The following SLC5A10 variants were observed in gnomAD, a reference collection of about 807,000 sequenced individuals.
SLC5A10 encodes the protein sodium/mannose cotransporter SLC5A10.
A neutral mutation model predicts 68.9 loss-of-function variants in SLC5A10; 55 were observed. The observed-to-expected ratio is 0.80, with a 90% CI of 0.64 to 1.00. The LOEUF is 1.00. Ranked by LOEUF, SLC5A10 falls within the 50% of genes least tolerant of loss-of-function variation. The pLI is 0.00. For missense variants in SLC5A10, 732 were observed against 819.3 expected, an observed-to-expected ratio of 0.89 and a Z score of 1.30; for synonymous variants, 344 against 344.8, an observed-to-expected ratio of 1.00 and a Z score of 0.02.
chr17:18,982,844 C>T (rs529629905), intron 9 of SLC5A10, among the ~76,000 whole-genome samples: 340 of 152,370 alleles, frequency 2.2e-3, no homozygotes, highest in Middle Eastern at 6.8e-3. Context: ...AATCCTAGCA[C>T]CAAATGGACG....
chr17:18,969,595 C>T, intron 7 of SLC5A10, 173 bp downstream of exon 7: 1 of 596,902 alleles, frequency 1.7e-6, no homozygotes, highest in Non-Finnish European at 2.9e-6. Flanking sequence ...CTGCTGGCCC[C>T]TCAGGGACTG....
chr17:18,969,184 A>G, intron 6 of SLC5A10, 27 bp downstream of exon 6: 2 of 1,609,412 alleles, frequency 1.2e-6, no homozygotes, highest in African/African-American at 1.3e-5. Flanking sequence ...AGGGAGGTCC[A>G]CCCAGGGGAC....
At position 18,993,535 on chromosome 17, in the gene SLC5A10, G is replaced by A. The variant is rs549590628; in HGVS notation, c.982+16546G>A. 2.1e-4 allele frequency among the ~76,000 whole-genome samples: 32 copies of A among 152,212 alleles called. No individual in the cohort carries two copies. In the East Asian group the frequency reaches 4.6e-3, roughly 22 times the overall value. Reference sequence around the variant, plus strand: ...GGCGGCTCAGAGAGAGGAGAGAGGCGGCCATATTCTCTCTCCTCACTATGC... The same window carrying A: ...GGCGGCTCAGAGAGAGGAGAGAGGCAGCCATATTCTCTCTCCTCACTATGC... On this transcript the variant is annotated intron_variant, in intron 9 of 14. Transcript: ENST00000395645.
At chr17:18,994,551 GA>G (rs2043515402) in intron 9 of SLC5A10, among the ~76,000 whole-genome samples, 2 of 152,174 alleles carry the variant, frequency 1.3e-5, no homozygotes, top group Non-Finnish European at 2.9e-5. Context: ...GGAACCACTG[GA>G]AAGGGGAGGC....
intron 4 of SLC5A10, 51 bp downstream of exon 4, chr17:18,959,714 T>C: frequency 1.9e-6 from 3 of 1,578,256 alleles, no homozygotes; most frequent in South Asian, 1.1e-5. Flanking sequence ...TTGGTCCAAG[T>C]TGGTGGTAGT....
rs2043976268 is a variant in SLC5A10, at chr17:19,009,785, TC to T, written c.983-3624del. 2.0e-5 allele frequency among the ~76,000 whole-genome samples: 3 copies of T among 152,110 alleles called. No homozygotes were observed. The South Asian group carries it at 6.2e-4, about 32-fold the overall frequency. The stretch of plus-strand genomic sequence containing the variant: ...TTTCCCTGAGGCCCCATAGTCATAG[TC>T]TGGGTGGGAGACAGGACAGTCAGAG... On this transcript the variant is annotated intron_variant, in intron 9 of 14. Coordinates refer to ENST00000395645, the MANE Select transcript of SLC5A10 (RefSeq NM_001042450.4).
rs183654341 is a variant in SLC5A10, at chr17:19,017,497, G to A, written c.1242-1926G>A. The A allele has an allele frequency of 2.6e-4, 285 of 1,085,166 alleles. No individual in the cohort carries two copies. The African/African-American group carries it at 3.9e-3, about 15-fold the overall frequency. The allele number at this position is 1,085,166 out of a possible 1,614,324, so 67.2% of individuals were successfully genotyped here. A position where few individuals can be genotyped will look rare whatever the true frequency, so the allele number is the denominator to read the frequency against. On this transcript the variant is annotated intron_variant, in intron 11 of 14. Transcript: ENST00000395645. This position sits in a 1 kb window ranked among gnomAD's most constrained non-coding sequence, Gnocchi z 5.6. ...CTGGAGAGGAGGCCATCGCAGGGCC[G>A]GGTGCAGTACCATGCCGGTGACCCT...
At chr17:19,019,951 C>T in intron 13 of SLC5A10, 23 bp downstream of exon 13, 1 of 1,573,888 alleles carries the variant, frequency 6.4e-7, no homozygotes, top group Non-Finnish European at 8.6e-7. Context: ...TGACCCCTGA[C>T]CCTGACCCCT....
At chr17:18,973,078 C>T (rs1272209562) in intron 8 of SLC5A10, among the ~76,000 whole-genome samples, 3 of 152,216 alleles carry the variant, frequency 2.0e-5, no homozygotes, top group Admixed American at 1.3e-4. Flanking sequence ...CTGCCCAGTT[C>T]TCCTGGGAGG....
rs551594244 is a variant in SLC5A10, at chr17:18,976,953, A to G, written c.946A>G (p.Ile316Val). 2 of 1,613,316 alleles carry G rather than the reference A, an allele frequency of 1.2e-6. No homozygotes were observed. Among genetic ancestry groups the G allele is most frequent in the African/African-American group, 2.7e-5 (2 of 75,014 alleles). ...YLKMLPMGLI[I>V]MPGMISRALF... ...CAAGATGCTCCCCATGGGCCTGATC[A>G]TCATGCCGGGCATGATCAGCCGCGC... The change falls in exon 9 of 15, where the codon ATC becomes GTC. Residue 316 changes from isoleucine (I) to valine (V), a missense_variant. Transcript: ENST00000395645.
intron 9 of SLC5A10, among the ~76,000 whole-genome samples, chr17:18,997,595 T>G (rs1439039783): frequency 2.0e-5 from 3 of 152,248 alleles, no homozygotes; most frequent in Non-Finnish European, 4.4e-5. Flanking sequence ...AGCATCCTAA[T>G]GCCCCAGAAA....
At chr17:18,979,984 C>CATTT (rs2043088304) in intron 9 of SLC5A10, among the ~76,000 whole-genome samples, 1 of 152,142 alleles carries the variant, frequency 6.6e-6, no homozygotes, top group South Asian at 2.1e-4. Context: ...GCTTACACAG[C>CATTT]CAGCCAGCTT....
At chr17:18,957,917 A>G (rs1312204892) in intron 1 of SLC5A10, among the ~76,000 whole-genome samples, 1 of 152,128 alleles carries the variant, frequency 6.6e-6, no homozygotes, top group East Asian at 1.9e-4. Flanking sequence ...GCAACAACTC[A>G]TCTGCTTTCT....
At chr17:18,995,025 C>T (rs1294099412) in intron 9 of SLC5A10, among the ~76,000 whole-genome samples, 1 of 152,208 alleles carries the variant, frequency 6.6e-6, no homozygotes, top group East Asian at 1.9e-4. Context: ...AGTAACCTAA[C>T]TGCATCCCAG....
Position 18,961,027 on chromosome 17 carries a change from C to T in SLC5A10, c.453+375C>T, listed in dbSNP as rs550237925. On this transcript the variant is annotated intron_variant, in intron 5 of 14. Coordinates refer to ENST00000395645, the MANE Select transcript of SLC5A10 (RefSeq NM_001042450.4). ...CCAAAAGCCCACGTGGTCTTAGCCA[C>T]ATCTGGTCTGCACTGAGCTGACCTG... 2.0e-5 allele frequency among the ~76,000 whole-genome samples: 3 copies of T among 152,336 alleles called. No individual in the cohort carries two copies. The East Asian group carries it at 5.8e-4, about 29-fold the overall frequency.
intron 1 of SLC5A10, chr17:18,953,948 C>T (rs913279990): frequency 6.6e-5 from 10 of 152,202 alleles, no homozygotes; most frequent in African/African-American, 2.4e-4. Context: ...AATATTAACT[C>T]ACAAGTAGCC....
Position 18,953,979 on chromosome 17 carries a change from G to A in SLC5A10, c.111+1663G>A, listed in dbSNP as rs888267857. ...TAGCCCAGTGCTGGCCATCGGCAAA[G>A]CCGAGTTCAAGTCTCGGCTCTGCTC... On this transcript the variant is annotated intron_variant, in intron 1 of 14. Transcript: ENST00000395645. 2.0e-5 allele frequency: 3 copies of A among 152,176 alleles called. No individual in the cohort carries two copies. In the East Asian group the frequency reaches 5.8e-4, roughly 29 times the overall value. The allele number at this position is 152,176 out of a possible 1,614,324, so 9.4% of individuals were successfully genotyped here.
Position 18,959,678 on chromosome 17 carries a change from G to C in SLC5A10, c.348+15G>C. 1 of 1,613,694 alleles carries C rather than the reference G, an allele frequency of 6.2e-7. No homozygotes were observed. The highest frequency in any genetic ancestry group is 8.5e-7 in the Non-Finnish European group (1 of 1,179,790). On this transcript the variant is annotated intron_variant, in intron 4 of 14. Transcript: ENST00000395645. ...TCTCCTCAGAGGTGAGTCTACTCAT[G>C]GGGCCTCCAGCTGGGGGGCTGGGCC...
chr17:18,970,942 G>T, intron 7 of SLC5A10, 71 bp from the exon 8 acceptor site: 6 of 1,452,982 alleles, frequency 4.1e-6, no homozygotes, highest in South Asian at 3.5e-5. Context: ...TGAGATGAAG[G>T]CAGGGGGGAG....
Sources: gnomAD v4.1 joint callset for allele counts (sites outside exome capture counted in the v4.1 genomes callset) on GRCh38, gnomAD v4.1.1 for gene constraint, Gnocchi (gnomAD v3.1) non-coding constraint, MANE v1.5 for transcripts, NCBI Gene and HGNC (gene_info 2026-07-23, HGNC 2026-07-21) for gene names.